RAD51B: variants seen among roughly 807,000 people sequenced by gnomAD.
RAD51B encodes the protein RAD51 paralog B.
In RAD51B, 38 loss-of-function variants were observed where a neutral mutation model predicts 42.2. That is an observed-to-expected ratio of 0.90 (90% CI 0.70 to 1.18). RAD51B has a LOEUF of 1.18. Among genes scored for constraint, RAD51B ranks in the 50% most tolerant of loss-of-function variants. The pLI, the probability that RAD51B is intolerant of heterozygous loss-of-function variation, is 0.00. For synonymous variants in RAD51B, 154 were observed against 145.2 expected, an observed-to-expected ratio of 1.06 and a Z score of -0.43; for missense variants, 373 against 400.7, an observed-to-expected ratio of 0.93 and a Z score of 0.59.
chr14:68,021,180 T>C (rs1031140746), intron 7 of RAD51B, among the ~76,000 whole-genome samples: 9 of 152,158 alleles, frequency 5.9e-5, no homozygotes, highest in Non-Finnish European at 1.0e-4. Flanking sequence ...ATAATTATTA[T>C]TTTTAGTTCA....
chr14:68,257,736 T>A (rs2080783496), intron 7 of RAD51B, among the ~76,000 whole-genome samples: 1 of 152,116 alleles, frequency 6.6e-6, no homozygotes, highest in South Asian at 2.1e-4. Flanking sequence ...AAGTTTATTA[T>A]ATAAATATGT....
chr14:68,203,701 G>C (rs2079533762), intron 7 of RAD51B, among the ~76,000 whole-genome samples: 1 of 152,186 alleles, frequency 6.6e-6, no homozygotes, highest in Admixed American at 6.5e-5. Flanking sequence ...TGAAAAATCT[G>C]TTGTTTAGTT....
rs774360651 is a variant in RAD51B at position 68,442,435 on chromosome 14, CT to C, written c.958-25712del. 9.0e-3 allele frequency among the ~76,000 whole-genome samples: 616 copies of C among 68,372 alleles called. 3 individuals are homozygous for C. Among genetic ancestry groups the C allele is most frequent in the African/African-American group, 0.032 (541 of 16,826 alleles). The allele number at this position is 68,372 out of a possible 152,430, so 44.9% of individuals were successfully genotyped here. ...TGCCTACTATGTAGTAGGCATTGTG[CT>C]TTTTTTTTTTTTTTTTTTTTTTTTA... On this transcript the variant is annotated intron_variant, in intron 9 of 10. Transcript: ENST00000471583.
At chr14:68,012,234 A>G (rs1426094265) in intron 7 of RAD51B, among the ~76,000 whole-genome samples, 1 of 152,130 alleles carries the variant, frequency 6.6e-6, no homozygotes, top group Non-Finnish European at 1.5e-5. Flanking sequence ...TTAATTTCAT[A>G]TAACTGTAGA....
At chr14:68,113,505 G>A (rs1246020778) in intron 7 of RAD51B, among the ~76,000 whole-genome samples, 1 of 152,068 alleles carries the variant, frequency 6.6e-6, no homozygotes, top group African/African-American at 2.4e-5. Context: ...CTCATACCAG[G>A]CATTCCTACA....
chr14:68,330,578 G>A (rs1001906314), intron 8 of RAD51B, among the ~76,000 whole-genome samples: 5 of 152,096 alleles, frequency 3.3e-5, no homozygotes, highest in Non-Finnish European at 7.4e-5. Flanking sequence ...GGTAAGATGA[G>A]GAAACACTGG....
chr14:68,090,447 A>G (rs2077071666), intron 7 of RAD51B, among the ~76,000 whole-genome samples: 1 of 152,156 alleles, frequency 6.6e-6, no homozygotes, highest in Non-Finnish European at 1.5e-5. Context: ...ATGACATTTA[A>G]GTAATACTTT....
intron 10 of RAD51B, among the ~76,000 whole-genome samples, chr14:68,574,544 T>C (rs1182237370): frequency 1.3e-5 from 2 of 152,188 alleles, no homozygotes; most frequent in African/African-American, 2.4e-5. Flanking sequence ...CTCCCACCCA[T>C]TGCTTTAGCA....
chr14:68,566,485 T>C (rs773897876), intron 10 of RAD51B, among the ~76,000 whole-genome samples: 2 of 152,214 alleles, frequency 1.3e-5, no homozygotes, highest in African/African-American at 2.4e-5. Flanking sequence ...TTGTCTTGTA[T>C]GCCCTGTTAT....
At chr14:68,221,979 C>A (rs1231910480) in intron 7 of RAD51B, among the ~76,000 whole-genome samples, 1 of 152,166 alleles carries the variant, frequency 6.6e-6, no homozygotes, top group African/African-American at 2.4e-5. Context: ...CAAATCAAAA[C>A]CACGACGTGA....
chr14:68,093,903 G>C (rs192652698), intron 7 of RAD51B, among the ~76,000 whole-genome samples: 25 of 152,320 alleles, frequency 1.6e-4, no homozygotes, highest in African/African-American at 5.3e-4. Context: ...TACACACCCT[G>C]ATGGTCACTA....
intron 8 of RAD51B, among the ~76,000 whole-genome samples, chr14:68,313,056 G>A (rs894545164): frequency 2.0e-5 from 3 of 152,166 alleles, no homozygotes; most frequent in Admixed American, 2.0e-4. Context: ...CAAAGTTTAT[G>A]GGGAAAGGGT....
At chr14:68,306,005 C>T (rs1178562215) in intron 8 of RAD51B, among the ~76,000 whole-genome samples, 4 of 152,168 alleles carry the variant, frequency 2.6e-5, no homozygotes, top group Non-Finnish European at 4.4e-5. Flanking sequence ...GTGGAAGGGC[C>T]GTGTTGGGGA....
At chr14:67,838,035 A>T (rs1260782388) in intron 4 of RAD51B, among the ~76,000 whole-genome samples, 6 of 152,236 alleles carry the variant, frequency 3.9e-5, no homozygotes, top group Non-Finnish European at 7.3e-5. Flanking sequence ...GTGAGTGAGA[A>T]CATGCAAGGT....
At chr14:68,254,702 A>G (rs1476437143) in intron 7 of RAD51B, among the ~76,000 whole-genome samples, 2 of 152,184 alleles carry the variant, frequency 1.3e-5, no homozygotes, top group Non-Finnish European at 2.9e-5. Flanking sequence ...TTGTAATCCT[A>G]TATGTTTTAT....
At chr14:67,956,852 T>G (rs542500736) in intron 7 of RAD51B, among the ~76,000 whole-genome samples, 1 of 152,242 alleles carries the variant, frequency 6.6e-6, no homozygotes, top group Non-Finnish European at 1.5e-5. Context: ...TAGTGGCTAG[T>G]GTAGTGGACA....
chr14:67,931,774 A>C (rs2044747916), intron 7 of RAD51B, among the ~76,000 whole-genome samples: 1 of 152,116 alleles, frequency 6.6e-6, no homozygotes, highest in Non-Finnish European at 1.5e-5. Context: ...AAGTGCTGGG[A>C]TTATAGGCGT....
chr14:68,095,221 T>C (rs2077171252), intron 7 of RAD51B, among the ~76,000 whole-genome samples: 1 of 152,216 alleles, frequency 6.6e-6, no homozygotes, highest in Non-Finnish European at 1.5e-5. Flanking sequence ...TTGGCATTTA[T>C]CATTTGATGT....
intron 7 of RAD51B, among the ~76,000 whole-genome samples, chr14:68,073,415 C>A (rs2076784884): frequency 6.6e-6 from 1 of 152,074 alleles, no homozygotes; most frequent in African/African-American, 2.4e-5. Context: ...TTTACTTTCC[C>A]ACTGTATGTG....
Sources: allele counts gnomAD v4.1 joint callset (sites outside exome capture counted in the v4.1 genomes callset), GRCh38; gene constraint gnomAD v4.1.1; transcripts MANE v1.5; gene names NCBI Gene and HGNC (gene_info 2026-07-23, HGNC 2026-07-21).